Variants in DOP1B observed in about 807,000 individuals in gnomAD.
DOP1B encodes the protein DOP1 leucine zipper like protein B, also known as protein DOP1B.
In DOP1B, 174 loss-of-function variants were observed where a neutral mutation model predicts 233.5. The ratio of observed to expected loss-of-function variants is 0.75; its 90% CI spans 0.66 to 0.85. The LOEUF (loss-of-function observed/expected upper bound fraction) is 0.85, where lower values mean the gene tolerates loss of function less well. Among genes scored for constraint, DOP1B ranks in the 40% least tolerant of loss-of-function variants. DOP1B has a pLI of 0.00. For synonymous variants in DOP1B, 1,190 were observed against 1,185.6 expected (o/e 1.00, Z -0.08); for missense variants, 2,652 against 2,846.6 (o/e 0.93, Z 1.56).
At chr21:36,212,502 G>C (rs906258585) in intron 7 of DOP1B, among the ~76,000 whole-genome samples, 2 of 152,218 alleles carry the variant, frequency 1.3e-5, no homozygotes, top group African/African-American at 2.4e-5. Flanking sequence ...TTTTGTGTAA[G>C]TGTAAATGTT....
chr21:36,231,594 C>A (rs1357669662), intron 14 of DOP1B, among the ~76,000 whole-genome samples: 1 of 152,008 alleles, frequency 6.6e-6, no homozygotes, highest in African/African-American at 2.4e-5. Flanking sequence ...ATCAGAAGAC[C>A]TAGAACATGA....
chr21:36,249,578 A>G (rs1300929876), intron 21 of DOP1B, among the ~76,000 whole-genome samples: 1 of 152,226 alleles, frequency 6.6e-6, no homozygotes, highest in Non-Finnish European at 1.5e-5. Flanking sequence ...ACATGGCCCC[A>G]TCAGAGTGGA....
chr21:36,191,830 G>A (rs971294026), intron 2 of DOP1B, among the ~76,000 whole-genome samples: 73 of 151,530 alleles, frequency 4.8e-4, no homozygotes, highest in African/African-American at 1.7e-3. Flanking sequence ...TAGCCAGCAA[G>A]AGCAATTGCC....
chr21:36,227,654 T>C, intron 12 of DOP1B, 32 bp from the exon 13 acceptor site: 1 of 1,456,094 alleles, frequency 6.9e-7, no homozygotes, highest in South Asian at 1.5e-5. Context: ...TGAACCAACA[T>C]TGTGGGGTTA....
chr21:36,254,223 A>T (rs770366965), intron 23 of DOP1B, among the ~76,000 whole-genome samples: 2 of 152,154 alleles, frequency 1.3e-5, no homozygotes, highest in Non-Finnish European at 2.9e-5. Context: ...CTTTAGAAAG[A>T]GGAAATGGCA....
Position 36,248,381 on chromosome 21 carries a change from C to T in DOP1B, c.4811C>T (p.Thr1604Ile), listed in dbSNP as rs1381149972. 1 of 1,612,346 alleles carries T rather than the reference C, an allele frequency of 6.2e-7. No individual in the cohort carries two copies. ...LLEQANQNKK[T>I]MAAGDPANLR... ...TCATGTATTCATTTTAATTTTTAGA[C>T]CATGGCTGCAGGTGATCCTGCCAAC... Residue 1604 changes from threonine to isoleucine, a missense_variant and splice_region_variant, in exon 21 of 37, where the codon ACC becomes ATC. Physicochemically the swap from Thr to Ile is moderately conservative, Grantham distance 89. Around this residue, in one of 3 missense-constraint regions of DOP1B, gnomAD observed 2,617 missense variants for 2,794.3 expected, o/e 0.94. Transcript: ENST00000691173.
chr21:36,261,782 A>C (rs2067174837), intron 24 of DOP1B: 32 of 563,618 alleles, frequency 5.7e-5, no homozygotes, highest in Non-Finnish European at 7.2e-5. Context: ...TGGTGGCAGC[A>C]TGCCTGTAGT....
rs948272241 is a variant in DOP1B, at chr21:36,246,024, T to A, written c.4044T>A (p.Ser1348Arg). Residue 1348 changes from serine (S) to arginine (R), a missense_variant, in exon 19 of 37, where the codon AGT (serine) becomes AGA (arginine). By Grantham distance (110) the Ser-to-Arg change is moderately radical. Transcript: ENST00000691173. The surrounding 1 kb of genome is among the most constrained non-coding windows in gnomAD (Gnocchi z 5.1). ...GCAACCGGGACGTGCAGGTCAAAAGTGTCGAGGTTTTGATCAGGATAATGA... is the reference window on the plus strand; with the variant it reads ...GCAACCGGGACGTGCAGGTCAAAAGAGTCGAGGTTTTGATCAGGATAATGA... The part of the protein sequence containing the change: ...ILGNRDVQVK[S>R]VEVLIRIMMQ... 2 of 1,612,660 alleles carry A rather than the reference T, an allele frequency of 1.2e-6. No individual in the cohort carries two copies. The highest frequency in any genetic ancestry group is 1.7e-6 in the Non-Finnish European group (2 of 1,179,732).
In DOP1B at chr21:36,281,510, T is replaced by G; in HGVS notation, c.6059T>G (p.Phe2020Cys). Residue 2020 changes from phenylalanine to cysteine, a missense_variant, in exon 32 of 37, where the codon TTC becomes TGC. By Grantham distance (205) the Phe-to-Cys change is radical. Transcript: ENST00000691173. ...ATGCAGAGCAGTTCTTTGAAACTAT[T>G]CTCAAGTTTTGAACAGAAAGCCATG... is the stretch of plus-strand genomic sequence containing the variant. ...MNMQSSSLKL[F>C]SSFEQKAMLL... 6.2e-7 allele frequency: 1 copy of G among 1,606,780 alleles called. No individual in the cohort carries two copies. Among genetic ancestry groups the G allele is most frequent in the South Asian group, 1.1e-5 (1 of 90,820 alleles).
chr21:36,257,012 C>G (rs1021697301), intron 23 of DOP1B, among the ~76,000 whole-genome samples: 3 of 152,168 alleles, frequency 2.0e-5, no homozygotes, highest in African/African-American at 7.2e-5. Context: ...AAGTCTGGGC[C>G]TCTGGAACTT....
At chr21:36,284,560 C>T (rs1195753510) in intron 32 of DOP1B, among the ~76,000 whole-genome samples, 3 of 151,966 alleles carry the variant, frequency 2.0e-5, no homozygotes, top group South Asian at 2.1e-4. Flanking sequence ...TGAGCCACTG[C>T]GCCCAGCCCT....
At chr21:36,256,441 A>G (rs2067098492) in intron 23 of DOP1B, among the ~76,000 whole-genome samples, 1 of 152,136 alleles carries the variant, frequency 6.6e-6, no homozygotes, top group South Asian at 2.1e-4. Context: ...ACCCTGTCCA[A>G]AAAAAAGAAA....
At chr21:36,286,982 TTACTAATA>T (rs1456381989) in intron 32 of DOP1B, among the ~76,000 whole-genome samples, 1 of 151,974 alleles carries the variant, frequency 6.6e-6, no homozygotes, top group Non-Finnish European at 1.5e-5. Flanking sequence ...AAAAAATTTA[TTACTAATA>T]TACTAATGTA....
intron 12 of DOP1B, among the ~76,000 whole-genome samples, chr21:36,227,203 A>G (rs553257742): frequency 1.6e-4 from 24 of 148,088 alleles, no homozygotes; most frequent in South Asian, 1.5e-3. Flanking sequence ...GTGAGACTTC[A>G]TCTCAAAAAA....
intron 26 of DOP1B, 32 bp from the exon 27 acceptor site, chr21:36,269,976 ATTAAC>A (rs1355613907): frequency 6.2e-7 from 1 of 1,610,754 alleles, no homozygotes; most frequent in Non-Finnish European, 8.5e-7. Flanking sequence ...CTTTTCCTTA[ATTAAC>A]TTCCTTTCCC....
At chr21:36,203,734 T>C (rs2066398089) in intron 4 of DOP1B, among the ~76,000 whole-genome samples, 2 of 152,072 alleles carry the variant, frequency 1.3e-5, no homozygotes, top group Non-Finnish European at 2.9e-5. Context: ...ACAGGTTTCA[T>C]GTAGGTGGAG....
At chr21:36,187,096 T>G (rs2066173187) in intron 2 of DOP1B, among the ~76,000 whole-genome samples, 1 of 150,924 alleles carries the variant, frequency 6.6e-6, no homozygotes, top group Non-Finnish European at 1.5e-5. Context: ...AGCAATGTCA[T>G]TCCCCCAGCA....
Position 36,289,103 on chromosome 21 carries a change from G to C in DOP1B, c.6412G>C (p.Val2138Leu). The C allele has an allele frequency of 1.2e-6, 2 of 1,614,088 alleles. No homozygotes were observed. The highest frequency in any genetic ancestry group is 1.7e-6 in the Non-Finnish European group (2 of 1,180,006). The change falls in exon 35 of 37, where the codon GTG becomes CTG. Residue 2138 changes from valine (V) to leucine (L), a missense_variant. By Grantham distance (32) the Val-to-Leu change is conservative. Transcript: ENST00000691173. ...AGTCCCGGATGCAAATGGACCCTCA[G>C]TGGGGGAGATACCCCAGAGTGAACT... ...VSVPDANGPS[V>L]GEIPQSELIL...
chr21:36,237,394 G>A lies in DOP1B; in HGVS notation c.2755G>A (p.Ala919Thr). 1 of 1,614,088 alleles carries A rather than the reference G, an allele frequency of 6.2e-7. No individual in the cohort carries two copies. Among genetic ancestry groups the A allele is most frequent in the Non-Finnish European group, 8.5e-7 (1 of 1,180,036 alleles). The change falls in exon 16 of 37, where the codon GCC (alanine) becomes ACC (threonine). Residue 919 changes from alanine (A) to threonine (T), a missense_variant. This residue lies in a region of DOP1B where 2,617 missense variants were observed against 2,794.3 expected (regional missense o/e 0.94). Transcript: ENST00000691173. ...CATCTGCGAGGACATCATCTGCCAT[G>A]CCCTCCTGGACCCTGACAAGGTGAG... ...ANICEDIICH[A>T]LLDPDKGTRL... is the part of the protein sequence containing the mutation.
Sources: gnomAD v4.1 joint callset for allele counts (sites outside exome capture counted in the v4.1 genomes callset) on GRCh38, gnomAD v4.1.1 for gene constraint, gnomAD v4.1.1 regional missense constraint, Gnocchi (gnomAD v3.1) non-coding constraint, MANE v1.5 for transcripts, NCBI Gene and HGNC (gene_info 2026-07-23, HGNC 2026-07-21) for gene names.